The following ATXN7 variants were observed in gnomAD, a reference collection of about 807,000 sequenced individuals.
ATXN7 encodes the protein ataxin 7.
ATXN7 carries 12 observed loss-of-function variants against 70.5 expected under a neutral mutation model. The ratio of observed to expected loss-of-function variants is 0.17; its 90% CI spans 0.11 to 0.28. ATXN7 has a LOEUF of 0.28. ATXN7 is among the 10% of genes least tolerant of loss of function. The pLI is 1.00. For synonymous variants in ATXN7, 498 were observed against 448.7 expected (o/e 1.11, Z -1.39); for missense variants, 1,256 against 1,131.7 (o/e 1.11, Z -1.58).
intron 5 of ATXN7, among the ~76,000 whole-genome samples, chr3:63,962,716 A>T (rs1467561314): frequency 6.6e-6 from 1 of 151,748 alleles, no homozygotes; most frequent in African/African-American, 2.4e-5. Context: ...ACAACTTCTA[A>T]TACTGAAGAT....
At chr3:63,865,577 G>A (rs781207149) in intron 1 of ATXN7, among the ~76,000 whole-genome samples, 9 of 152,110 alleles carry the variant, frequency 5.9e-5, no homozygotes, top group Non-Finnish European at 1.2e-4. Flanking sequence ...TTGCATTTTG[G>A]TGGGGATAGT....
intron 2 of ATXN7, among the ~76,000 whole-genome samples, chr3:63,910,657 G>T (rs1490297472): frequency 6.6e-6 from 1 of 152,170 alleles, no homozygotes; most frequent in Admixed American, 6.5e-5. Context: ...TATGGAGGAA[G>T]TTAAAGCTGT....
intron 1 of ATXN7, among the ~76,000 whole-genome samples, chr3:63,885,669 G>A (rs541225936): frequency 1.3e-5 from 2 of 152,226 alleles, no homozygotes; most frequent in Admixed American, 6.5e-5. Flanking sequence ...ATTCACAATA[G>A]CCAAGATATG....
intron 5 of ATXN7, among the ~76,000 whole-genome samples, chr3:63,971,364 G>C (rs2075310194): frequency 6.6e-6 from 1 of 152,150 alleles, no homozygotes; most frequent in African/African-American, 2.4e-5. Context: ...TAAGCAATTA[G>C]ACTACACTCA....
At position 63,961,653 on chromosome 3, in the gene ATXN7, TTTTA is replaced by T. The variant is rs542857951; in HGVS notation, c.499+9174_499+9177del. Among the ~76,000 whole-genome samples the T allele has an allele frequency of 1.7e-3, 256 of 152,212 alleles. 1 individual carries two copies. Among genetic ancestry groups the T allele is most frequent in the African/African-American group, 5.9e-3 (246 of 41,562 alleles). On this transcript the variant is annotated intron_variant, in intron 5 of 12. Coordinates refer to ENST00000674280, the MANE Select transcript of ATXN7 (RefSeq NM_001377405.1). ...ACACTGTACTGTAAATATATAGAAC[TTTTA>T]TTTGTCATTTATACCTTAATAAAGT... is the stretch of plus-strand genomic sequence containing the variant.
chr3:63,962,364 G>A (rs2106694125), intron 5 of ATXN7, among the ~76,000 whole-genome samples: 2 of 151,814 alleles, frequency 1.3e-5, no homozygotes, highest in South Asian at 4.2e-4. Context: ...TTGTTTCGTT[G>A]CCTCTTATGC....
intron 12 of ATXN7, 192 bp from the exon 13 acceptor site, chr3:63,999,258 G>A (rs1031197345): frequency 1.6e-5 from 9 of 561,658 alleles, no homozygotes; most frequent in Non-Finnish European, 2.2e-5. Context: ...TGCAATGATT[G>A]TGCCCAGTAG....
chr3:63,949,518 C>A (rs976913702), intron 4 of ATXN7, among the ~76,000 whole-genome samples: 1 of 152,112 alleles, frequency 6.6e-6, no homozygotes, highest in Non-Finnish European at 1.5e-5. Flanking sequence ...CCTGCCTCAG[C>A]CTCCTGAGTA....
intron 4 of ATXN7, among the ~76,000 whole-genome samples, chr3:63,914,472 TTGA>T (rs1439662050): frequency 2.0e-5 from 3 of 152,268 alleles, no homozygotes; most frequent in East Asian, 1.9e-4. Flanking sequence ...ACAGGACTTG[TTGA>T]TGATGTTGCA....
chr3:63,864,880 C>G (rs1702360320), intron 1 of ATXN7: 1 of 152,192 alleles, frequency 6.6e-6, no homozygotes, highest in Non-Finnish European at 1.5e-5. Context: ...ATAGCTTTCT[C>G]GTAAATGGCA....
chr3:63,983,813 G>T (rs1380982036), intron 8 of ATXN7, among the ~76,000 whole-genome samples: 1 of 152,124 alleles, frequency 6.6e-6, no homozygotes, highest in Non-Finnish European at 1.5e-5. Flanking sequence ...AAATGAGCTT[G>T]TATGTTGATG....
At chr3:63,989,772 C>G (rs1183661993) in intron 9 of ATXN7, among the ~76,000 whole-genome samples, 2 of 152,126 alleles carry the variant, frequency 1.3e-5, no homozygotes, top group East Asian at 1.9e-4. Flanking sequence ...GGCCTCAATT[C>G]CCCATGGATA....
intron 1 of ATXN7, among the ~76,000 whole-genome samples, chr3:63,877,460 G>A (rs1192082312): frequency 6.6e-6 from 1 of 152,226 alleles, no homozygotes; most frequent in Non-Finnish European, 1.5e-5. Flanking sequence ...ACCAAATTTT[G>A]TTAATCCTAC....
At chr3:63,874,104 A>G (rs1307562233) in intron 1 of ATXN7, among the ~76,000 whole-genome samples, 1 of 152,180 alleles carries the variant, frequency 6.6e-6, no homozygotes, top group Non-Finnish European at 1.5e-5. Flanking sequence ...GCAATACTAC[A>G]TGTGTTTTTT....
intron 5 of ATXN7, among the ~76,000 whole-genome samples, chr3:63,964,148 A>G (rs1476523880): frequency 6.6e-6 from 1 of 151,954 alleles, no homozygotes; most frequent in Non-Finnish European, 1.5e-5. Flanking sequence ...TCCTCAAACA[A>G]CCACAAGTCT....
intron 5 of ATXN7, among the ~76,000 whole-genome samples, chr3:63,964,914 C>T (rs759553141): frequency 2.0e-5 from 3 of 152,186 alleles, no homozygotes; most frequent in Non-Finnish European, 4.4e-5. Flanking sequence ...TTATAACTCA[C>T]CCGGCCTGCT....
chr3:63,992,685 G>A (rs112148810), intron 11 of ATXN7, among the ~76,000 whole-genome samples: 1 of 152,274 alleles, frequency 6.6e-6, no homozygotes, highest in Admixed American at 6.5e-5. Context: ...TGTCTACTCT[G>A]TTCTGTCTGA....
At chr3:63,882,411 A>T (rs961008543) in intron 1 of ATXN7, among the ~76,000 whole-genome samples, 3 of 115,146 alleles carry the variant, frequency 2.6e-5, no homozygotes, top group Non-Finnish European at 3.4e-5. Context: ...TTTGGGTCGG[A>T]GTCTTCTCTG....
intron 4 of ATXN7, among the ~76,000 whole-genome samples, chr3:63,946,602 C>G (rs1433171613): frequency 2.7e-5 from 4 of 149,528 alleles, no homozygotes; most frequent in Non-Finnish European, 5.9e-5. Context: ...GAGATTGTGC[C>G]ACTGCACTCC....
Sources: allele counts gnomAD v4.1 joint callset (sites outside exome capture counted in the v4.1 genomes callset), GRCh38; gene constraint gnomAD v4.1.1; transcripts MANE v1.5; gene names NCBI Gene and HGNC (gene_info 2026-07-23, HGNC 2026-07-21).